HMG20A: variants seen among roughly 807,000 people sequenced by gnomAD.
HMG20A encodes high mobility group protein 20A.
In HMG20A, 17 loss-of-function variants were observed where a neutral mutation model predicts 43.9. The observed-to-expected ratio is 0.39, with a 90% confidence interval of 0.27 to 0.58. The LOEUF is 0.58. Among genes scored for constraint, HMG20A ranks in the 20% least tolerant of loss-of-function variants. The pLI is 0.59. For missense variants in HMG20A, 341 were observed against 438.2 expected, an observed-to-expected ratio of 0.78 and a Z score of 1.98; for synonymous variants, 132 against 147.5, an observed-to-expected ratio of 0.89 and a Z score of 0.76.
At chr15:77,451,867 A>T (rs771548409) in intron 1 of HMG20A, among the ~76,000 whole-genome samples, 16 of 152,316 alleles carry the variant, frequency 1.1e-4, no homozygotes, top group South Asian at 1.0e-3. Flanking sequence ...CTTAGACATG[A>T]ATATCTAACG....
At chr15:77,458,998 A>G (rs1286064259) in intron 2 of HMG20A, among the ~76,000 whole-genome samples, 2 of 152,196 alleles carry the variant, frequency 1.3e-5, no homozygotes, top group Non-Finnish European at 2.9e-5. Flanking sequence ...GAAAAGGGTT[A>G]ATAACAGTAG....
At chr15:77,446,960 T>A (rs1168947908) in intron 1 of HMG20A, among the ~76,000 whole-genome samples, 1 of 152,206 alleles carries the variant, frequency 6.6e-6, no homozygotes, top group Non-Finnish European at 1.5e-5. Context: ...TTTTCATATA[T>A]CACAGGCCTT....
chr15:77,422,302 ACT>A (rs1325645361), intron 1 of HMG20A, among the ~76,000 whole-genome samples: 15 of 152,100 alleles, frequency 9.9e-5, no homozygotes, highest in Admixed American at 7.9e-4. Flanking sequence ...CTAGCCTCAG[ACT>A]CTGCGATTAT....
At chr15:77,456,612 G>A (rs1262381928) in intron 1 of HMG20A, among the ~76,000 whole-genome samples, 12 of 146,614 alleles carry the variant, frequency 8.2e-5, no homozygotes, top group South Asian at 2.2e-4. Flanking sequence ...CCTGGGAGGC[G>A]TGGGCAACAG....
At chr15:77,479,441 G>T in intron 9 of HMG20A, 120 bp downstream of exon 9, 1 of 894,564 alleles carries the variant, frequency 1.1e-6, no homozygotes, top group Non-Finnish European at 1.7e-6. Context: ...TGGAGACTTG[G>T]TTAAGATTCC....
At chr15:77,486,537 G>A (rs1479660196), downstream of HMG20A, among the ~76,000 whole-genome samples, 1 of 152,166 alleles carries the variant, frequency 6.6e-6, no homozygotes. Flanking sequence ...GGGATTACAG[G>A]CATGAGCCAC....
chr15:77,476,905 A>T (rs373517857), intron 6 of HMG20A, among the ~76,000 whole-genome samples: 2 of 152,008 alleles, frequency 1.3e-5, no homozygotes, highest in Non-Finnish European at 2.9e-5. Context: ...ATTCTTTTGT[A>T]TCTCACATAA....
In HMG20A at chr15:77,483,743, C is replaced by A. The variant is rs2072924391; in HGVS notation, c.*780C>A. On this transcript the variant is annotated 3_prime_UTR_variant, in exon 10 of 10. Coordinates refer to ENST00000336216, the MANE Select transcript of HMG20A (RefSeq NM_001304504.2). ...TCCTGCACAGACATGGAGTCCCAGC[C>A]CCAGCAAGGCTCTTCTGTTCCCATC... The A allele has an allele frequency of 1.3e-5, 2 of 152,648 alleles. No homozygotes were observed. Among genetic ancestry groups the A allele is most frequent in the African/African-American group, 4.8e-5 (2 of 41,430 alleles). The allele number at this position is 152,648 out of a possible 1,614,324, so 9.5% of individuals were successfully genotyped here.
chr15:77,457,183 C>T (rs970239973), intron 1 of HMG20A, among the ~76,000 whole-genome samples: 2 of 152,182 alleles, frequency 1.3e-5, no homozygotes, highest in African/African-American at 4.8e-5. Context: ...ATAAATCACT[C>T]CATTGAACAT....
At chr15:77,497,892 C>A in the HMG20A span, among the ~76,000 whole-genome samples, 1 of 150,972 alleles carries the variant, frequency 6.6e-6, no homozygotes, top group African/African-American at 2.4e-5. Context: ...GAAGAAAAAC[C>A]CAACCCGCCA....
At chr15:77,430,853 A>C (rs62007304) in intron 1 of HMG20A, among the ~76,000 whole-genome samples, 2,527 of 152,342 alleles carry the variant, frequency 0.017, 16 homozygotes, top group Non-Finnish European at 0.026. Context: ...CAGAGACATG[A>C]GGAAATGATG....
the HMG20A span, among the ~76,000 whole-genome samples, chr15:77,491,311 A>T: frequency 6.6e-6 from 1 of 152,240 alleles, no homozygotes; most frequent in Non-Finnish European, 1.5e-5. Flanking sequence ...CAAGGATAGA[A>T]GTCAACTGAA....
At chr15:77,430,257 A>G (rs1347434230) in intron 1 of HMG20A, among the ~76,000 whole-genome samples, 1 of 152,244 alleles carries the variant, frequency 6.6e-6, no homozygotes, top group African/African-American at 2.4e-5. Context: ...TTGAAACTTC[A>G]AATGTTTAAA....
At chr15:77,507,280 A>G in the HMG20A span, among the ~76,000 whole-genome samples, 17 of 152,280 alleles carry the variant, frequency 1.1e-4, no homozygotes, top group African/African-American at 3.4e-4. Context: ...GGCTCTGAGT[A>G]ATACAGGCTT....
chr15:77,463,443 A>G (rs906385992), intron 2 of HMG20A, among the ~76,000 whole-genome samples: 9 of 152,122 alleles, frequency 5.9e-5, no homozygotes, highest in African/African-American at 1.9e-4. Context: ...CCATCTTTCT[A>G]CCGCTCTTGA....
chr15:77,512,801 A>G, the HMG20A span, among the ~76,000 whole-genome samples: 1 of 152,078 alleles, frequency 6.6e-6, no homozygotes, highest in South Asian at 2.1e-4. Flanking sequence ...AAGTTAATTA[A>G]TAAGTATAAT....
the HMG20A span, among the ~76,000 whole-genome samples, chr15:77,491,502 A>AT: frequency 1.3e-5 from 2 of 152,152 alleles, no homozygotes; most frequent in African/African-American, 4.8e-5. Context: ...AGATACATTC[A>AT]TTTTTTCAAG....
chr15:77,497,720 G>A, the HMG20A span, among the ~76,000 whole-genome samples: 2 of 150,538 alleles, frequency 1.3e-5, no homozygotes, highest in African/African-American at 2.5e-5. Flanking sequence ...TTGGTGAAAC[G>A]TAGGGTGGAG....
At chr15:77,487,340 A>G (rs1426818589), downstream of HMG20A, among the ~76,000 whole-genome samples, 1 of 152,238 alleles carries the variant, frequency 6.6e-6, no homozygotes, top group Non-Finnish European at 1.5e-5. Flanking sequence ...TGTTAATTTC[A>G]TAACTATGTG....
Sources: allele counts gnomAD v4.1 joint callset (sites outside exome capture counted in the v4.1 genomes callset), GRCh38; gene constraint gnomAD v4.1.1; transcripts MANE v1.5; gene names NCBI Gene and HGNC (gene_info 2026-07-23, HGNC 2026-07-21).